The following HS3ST4 variants were observed in gnomAD, a reference collection of about 807,000 sequenced individuals.
The protein encoded by HS3ST4 is heparan sulfate glucosamine 3-O-sulfotransferase 4.
In HS3ST4, 17 loss-of-function variants were observed where a neutral mutation model predicts 29.2. The observed-to-expected ratio is 0.58, with a 90% CI of 0.40 to 0.87. HS3ST4 has a LOEUF of 0.87. Among genes scored for constraint, HS3ST4 ranks in the 40% least tolerant of loss-of-function variants. HS3ST4 has a pLI of 0.00. For synonymous variants in HS3ST4, 314 were observed against 285.7 expected, an observed-to-expected ratio of 1.10 and a Z score of -1.00; for missense variants, 627 against 634.5, an observed-to-expected ratio of 0.99 and a Z score of 0.13.
chr16:25,798,325 C>T (rs976186349), intron 1 of HS3ST4, among the ~76,000 whole-genome samples: 1 of 152,202 alleles, frequency 6.6e-6, no homozygotes, highest in Non-Finnish European at 1.5e-5. Context: ...CTCTGGCTTA[C>T]AACCACAAAA....
chr16:25,775,882 T>G (rs1966847148), intron 1 of HS3ST4, among the ~76,000 whole-genome samples: 1 of 152,236 alleles, frequency 6.6e-6, no homozygotes, highest in Admixed American at 6.5e-5. Flanking sequence ...ACCATTTATC[T>G]TGGAACTCCG....
Position 26,051,386 on chromosome 16 carries a change from C to T in HS3ST4, c.735-84226C>T, listed in dbSNP as rs138841573. On this transcript the variant is annotated intron_variant, in intron 1 of 1. Transcript: ENST00000331351. ...CTCCCACAAGCTTTCCTGACAAAGA[C>T]GAGCATGATTCCAGGAAGCCCACCT... is the stretch of plus-strand genomic sequence containing the variant. Among the ~76,000 whole-genome samples, 1,050 of 152,190 alleles carry T rather than the reference C, an allele frequency of 6.9e-3. 11 individuals carry two copies. The highest frequency in any genetic ancestry group is 0.024 in the African/African-American group (990 of 41,520).
At chr16:25,717,803 ATTC>A (rs1261942238) in intron 1 of HS3ST4, among the ~76,000 whole-genome samples, 1 of 152,148 alleles carries the variant, frequency 6.6e-6, no homozygotes, top group Non-Finnish European at 1.5e-5. Flanking sequence ...GTTCAGGCAT[ATTC>A]TTTGAAATGA....
chr16:25,905,878 A>G (rs1968174692), intron 1 of HS3ST4, among the ~76,000 whole-genome samples: 1 of 152,150 alleles, frequency 6.6e-6, no homozygotes, highest in African/African-American at 2.4e-5. Context: ...TTTGCGCATC[A>G]GGGCAGGTTT....
intron 1 of HS3ST4, among the ~76,000 whole-genome samples, chr16:25,954,899 G>T: frequency 6.6e-6 from 1 of 152,342 alleles, no homozygotes; most frequent in East Asian, 1.9e-4. Flanking sequence ...TCTTGGCAAA[G>T]ACAGAAGCCT....
intron 1 of HS3ST4, among the ~76,000 whole-genome samples, chr16:25,785,515 A>G (rs1004444354): frequency 1.3e-5 from 2 of 152,236 alleles, no homozygotes; most frequent in African/African-American, 2.4e-5. Flanking sequence ...TCTAGTAGTC[A>G]TGGAGCTACA....
intron 1 of HS3ST4, among the ~76,000 whole-genome samples, chr16:25,737,855 G>T (rs569088481): frequency 6.6e-6 from 1 of 150,926 alleles, no homozygotes; most frequent in Non-Finnish European, 1.5e-5. Flanking sequence ...TCATGTAATT[G>T]TGTCCCATTT....
intron 1 of HS3ST4, among the ~76,000 whole-genome samples, chr16:25,890,747 A>C (rs1967999543): frequency 6.6e-6 from 1 of 152,220 alleles, no homozygotes; most frequent in Admixed American, 6.5e-5. Flanking sequence ...ATTCATTTGC[A>C]TAATAGGGTC....
intron 1 of HS3ST4, among the ~76,000 whole-genome samples, chr16:26,110,077 A>G (rs970185228): frequency 2.6e-5 from 4 of 152,130 alleles, no homozygotes; most frequent in African/African-American, 9.7e-5. Context: ...CCTGGCAACC[A>G]TCATTCTATT....
At chr16:25,874,986 C>G (rs1454379303) in intron 1 of HS3ST4, among the ~76,000 whole-genome samples, 1 of 152,130 alleles carries the variant, frequency 6.6e-6, no homozygotes, top group Non-Finnish European at 1.5e-5. Flanking sequence ...CACACACATA[C>G]CTACACACAC....
chr16:25,764,054 G>A (rs939844355), intron 1 of HS3ST4, among the ~76,000 whole-genome samples: 1 of 152,170 alleles, frequency 6.6e-6, no homozygotes, highest in Admixed American at 6.5e-5. Flanking sequence ...AGGAGAATGC[G>A]GCATACCAGC....
intron 1 of HS3ST4, among the ~76,000 whole-genome samples, chr16:25,736,211 C>T (rs1966608526): frequency 6.6e-6 from 1 of 152,202 alleles, no homozygotes; most frequent in Non-Finnish European, 1.5e-5. Flanking sequence ...ATTGGAATGG[C>T]ATTCATAACG....
At chr16:26,036,686 C>T (rs1402565565) in intron 1 of HS3ST4, among the ~76,000 whole-genome samples, 1 of 152,168 alleles carries the variant, frequency 6.6e-6, no homozygotes, top group East Asian at 1.9e-4. Flanking sequence ...CCAGGTCACC[C>T]CCCTGTTTAA....
intron 1 of HS3ST4, among the ~76,000 whole-genome samples, chr16:25,940,844 CTCTCCATCTTCA>C (rs1193662085): frequency 1.3e-5 from 2 of 152,154 alleles, no homozygotes; most frequent in East Asian, 3.9e-4. Context: ...TTCTGGCTTC[CTCTCCATCTTCA>C]TCTCCCCCCA....
chr16:25,827,032 A>G (rs1967224268), intron 1 of HS3ST4, among the ~76,000 whole-genome samples: 1 of 152,220 alleles, frequency 6.6e-6, no homozygotes, highest in African/African-American at 2.4e-5. Context: ...GCACTTTATT[A>G]TATGGACTCA....
chr16:25,800,457 G>C (rs894951810), intron 1 of HS3ST4, among the ~76,000 whole-genome samples: 6 of 146,416 alleles, frequency 4.1e-5, no homozygotes, highest in Non-Finnish European at 9.0e-5. Flanking sequence ...TTCTCTCTCT[G>C]ATGGAAATAT....
chr16:25,872,280 C>G (rs1967762897), intron 1 of HS3ST4, among the ~76,000 whole-genome samples: 1 of 113,480 alleles, frequency 8.8e-6, no homozygotes. Flanking sequence ...CTTTGTCACA[C>G]CAGTGTGTTC....
intron 1 of HS3ST4, among the ~76,000 whole-genome samples, chr16:26,123,131 T>C (rs1899298991): frequency 6.6e-6 from 1 of 152,006 alleles, no homozygotes; most frequent in African/African-American, 2.4e-5. Flanking sequence ...TTGTACCTAC[T>C]ATGTGCACCA....
chr16:26,013,806 G>A (rs1969336223), intron 1 of HS3ST4, among the ~76,000 whole-genome samples: 3 of 152,062 alleles, frequency 2.0e-5, no homozygotes, highest in East Asian at 1.9e-4. Flanking sequence ...TCAGGAGATC[G>A]AGACCATCCT....
Sources: gnomAD v4.1 joint callset for allele counts (sites outside exome capture counted in the v4.1 genomes callset) on GRCh38, gnomAD v4.1.1 for gene constraint, MANE v1.5 for transcripts, NCBI Gene and HGNC (gene_info 2026-07-23, HGNC 2026-07-21) for gene names.